CAPN8: variants seen among roughly 807,000 people sequenced by gnomAD.
CAPN8 encodes calpain-8.
CAPN8 carries 87 observed loss-of-function variants against 80.9 expected under a neutral mutation model. The ratio of observed to expected loss-of-function variants is 1.07; its 90% confidence interval spans 0.90 to 1.28. The LOEUF (loss-of-function observed/expected upper bound fraction) is 1.28, where lower values mean the gene tolerates loss of function less well. CAPN8 is among the 50% of genes most tolerant of loss of function. CAPN8 has a pLI of 0.00. For synonymous variants in CAPN8, 299 were observed against 273.8 expected (o/e 1.09, Z -0.91); for missense variants, 757 against 702.0 (o/e 1.08, Z -0.89).
Position 223,619,547 on chromosome 1 carries a change from G to A in CAPN8, c.975-94C>T, listed in dbSNP as rs967897479. On this transcript the variant is annotated intron_variant, in intron 8 of 20. Transcript: ENST00000366872. ...GCACGGGAAGGAGCCCTGTGGCACA[G>A]GCCCTAGAGGCCGTGGGCTAGCTTG... 1.7e-5 allele frequency: 22 copies of A among 1,315,434 alleles called. No individual in the cohort carries two copies. The African/African-American group carries it at 2.2e-4, about 13-fold the overall frequency. The allele number at this position is 1,315,434 out of a possible 1,614,324, so 81.5% of individuals were successfully genotyped here. A position where few individuals can be genotyped will look rare whatever the true frequency, so the allele number is the denominator to read the frequency against.
At chr1:223,617,459 T>A (rs909205192) in intron 9 of CAPN8, 1 of 152,208 alleles carries the variant, frequency 6.6e-6, no homozygotes, top group African/African-American at 2.4e-5. Flanking sequence ...GGGCAGGAAC[T>A]ATCCATGTCT....
At chr1:223,625,976 C>A in intron 5 of CAPN8, 88 bp from the exon 6 acceptor site, 1 of 1,010,334 alleles carries the variant, frequency 9.9e-7, no homozygotes, top group South Asian at 1.4e-5. Context: ...CACTACACAG[C>A]CACTGGGGGC....
At position 223,665,613 on chromosome 1, in the gene CAPN8, G is replaced by A. The variant is rs552380691; in HGVS notation, c.34C>T (p.Arg12Trp). 129 of 1,551,574 alleles carry A rather than the reference G, an allele frequency of 8.3e-5. No homozygotes were observed. In the South Asian group the frequency reaches 1.2e-3, roughly 14 times the overall value. ...GAGCCAAGACCTTGAGTGGCTGCCC[G>A]CTGCCTAGATACACCAGCTGCCTGG... is the stretch of plus-strand genomic sequence containing the variant. Reference protein sequence around the residue: ...AAQAAGVSRQRAATQGLGSNQ... With the variant: ...AAQAAGVSRQWAATQGLGSNQ... The change falls in exon 1 of 21, where the codon CGG becomes TGG. Residue 12 changes from arginine (R) to tryptophan (W), a missense_variant. By Grantham distance (101) the Arg-to-Trp change is moderately radical (BLOSUM62 -3). Transcript: ENST00000366872.
chr1:223,616,062 A>G lies in CAPN8; in HGVS notation c.1219T>C (p.Cys407Arg), dbSNP rs1258207265. Residue 407 changes from cysteine (C) to arginine (R), a missense_variant, in exon 10 of 21, where the codon TGT becomes CGT. Transcript: ENST00000366872. The stretch of plus-strand genomic sequence containing the variant: ...TGCATCAGGCCCAGCAGCACTGTAC[A>G]GCAGGGTTCACCGATGCTCTCCTCC... ...DQEESIGEPC[C>R]TVLLGLMQKN... The G allele has an allele frequency of 1.9e-6, 3 of 1,552,276 alleles. No homozygotes were observed. The highest frequency in any genetic ancestry group is 1.7e-4 in the Middle Eastern group (1 of 5,998).
intron 11 of CAPN8, 120 bp downstream of exon 11, chr1:223,612,126 T>C: frequency 1.2e-6 from 1 of 826,238 alleles, no homozygotes; most frequent in African/African-American, 1.8e-5. Flanking sequence ...GACTGGATCA[T>C]GTGAGAGCTG....
chr1:223,627,594 T>G lies in CAPN8; in HGVS notation c.560+415A>C, dbSNP rs1657627307. Among the ~76,000 whole-genome samples the G allele has an allele frequency of 2.6e-5, 4 of 152,362 alleles. No homozygotes were observed. In the South Asian group the frequency reaches 8.3e-4, roughly 32 times the overall value. On this transcript the variant is annotated intron_variant, in intron 4 of 20. Transcript: ENST00000366872. ...AATTAAAAGAACCCCAAAGAAGGTT[T>G]TGAACATCAAACGCTGGTGAGAAGA...
At chr1:223,634,576 AAAC>A (rs1303231325) in intron 2 of CAPN8, among the ~76,000 whole-genome samples, 3 of 152,188 alleles carry the variant, frequency 2.0e-5, no homozygotes, top group Admixed American at 6.5e-5. Flanking sequence ...GATGCCTTAG[AAAC>A]AACAACACAA....
chr1:223,656,676 G>GTTTTTTTTTT (rs201821198), intron 1 of CAPN8, among the ~76,000 whole-genome samples: 80 of 88,354 alleles, frequency 9.1e-4, no homozygotes, highest in African/African-American at 1.2e-3. Context: ...GGGTTTTTTT[G>GTTTTTTTTTT]TTTTGTTTTT....
chr1:223,649,378 C>T (rs1658278100), intron 2 of CAPN8, among the ~76,000 whole-genome samples: 3 of 152,218 alleles, frequency 2.0e-5, no homozygotes, highest in African/African-American at 7.2e-5. Flanking sequence ...CTCTGAGAGT[C>T]CTGCTGGGGT....
intron 1 of CAPN8, among the ~76,000 whole-genome samples, chr1:223,660,161 T>G (rs1458364213): frequency 1.3e-5 from 2 of 152,206 alleles, no homozygotes; most frequent in Non-Finnish European, 2.9e-5. Context: ...AGGTCCTTAT[T>G]ATGCAGCTGA....
rs182290184 is a variant in CAPN8 at position 223,545,241 on chromosome 1, T to C, written c.1823A>G (p.Gln608Arg). 1.1e-3 allele frequency: 1,740 copies of C among 1,551,702 alleles called. 39 individuals are homozygous for C. The Admixed American group carries it at 0.032, about 28-fold the overall frequency. The change falls in exon 17 of 21, where the codon CAG (glutamine) becomes CGG (arginine). Residue 608 changes from glutamine (Q) to arginine (R), a missense_variant. Gln to Arg is a conservative substitution (Grantham distance 43). Coordinates refer to ENST00000366872, the MANE Select transcript of CAPN8 (RefSeq NM_001143962.2). The part of the protein sequence containing the change: ...VEFKTLWLKI[Q>R]KYLEIYWETD... The stretch of plus-strand genomic sequence containing the variant: ...GGAAAAGAGAGTTACCAGATACTTC[T>C]GAATCTTCAGCCAGAGCGTCTTGAA...
At position 223,625,889 on chromosome 1, in the gene CAPN8, C is replaced by T. The variant is rs1234861680; in HGVS notation, c.730-1G>A. The T allele has an allele frequency of 5.2e-6, 8 of 1,550,618 alleles. No individual in the cohort carries two copies. The highest frequency in any genetic ancestry group is 6.1e-6 in the Non-Finnish European group (7 of 1,146,132). On this transcript the variant is annotated splice_acceptor_variant, in intron 5 of 20. Coordinates refer to ENST00000366872, the MANE Select transcript of CAPN8 (RefSeq NM_001143962.2). LOFTEE classifies it high-confidence loss of function. ...CTTCGGCTTCGGCTGCACTGGAGACCTGCGTAGAGAAGAAAGTCCACTCAG... is the reference window on the plus strand; with the variant it reads ...CTTCGGCTTCGGCTGCACTGGAGACTTGCGTAGAGAAGAAAGTCCACTCAG...
At chr1:223,664,739 A>T (rs1056538727) in intron 1 of CAPN8, among the ~76,000 whole-genome samples, 21 of 152,184 alleles carry the variant, frequency 1.4e-4, no homozygotes, top group African/African-American at 5.1e-4. Context: ...GGAGTCCAAG[A>T]CCACCCTGGG....
intron 4 of CAPN8, 49 bp from the exon 5 acceptor site, chr1:223,627,206 G>T: frequency 6.5e-7 from 1 of 1,539,866 alleles, no homozygotes; most frequent in South Asian, 1.2e-5. Context: ...TCAGCAAGGA[G>T]ACCCGGGGAT....
chr1:223,613,688 G>A lies in CAPN8; in HGVS notation c.1312-1431C>T, dbSNP rs146978956. Reference sequence around the variant, plus strand: ...GCAGGAAGATAGAGGGGAGAGAGAGGAGGCCAGACAAGGAGGGCTCTTTAG... The same window carrying A: ...GCAGGAAGATAGAGGGGAGAGAGAGAAGGCCAGACAAGGAGGGCTCTTTAG... On this transcript the variant is annotated intron_variant, in intron 10 of 20. Transcript: ENST00000366872. 2.3e-3 allele frequency among the ~76,000 whole-genome samples: 353 copies of A among 152,352 alleles called. 2 individuals are homozygous for A. Among genetic ancestry groups the A allele is most frequent in the Non-Finnish European group, 4.2e-3 (289 of 68,032 alleles).
intron 16 of CAPN8, 120 bp downstream of exon 16, chr1:223,549,198 C>T (rs1469309943): frequency 1.6e-5 from 20 of 1,288,304 alleles, no homozygotes; most frequent in Non-Finnish European, 1.7e-5. Flanking sequence ...ATGCTCCATG[C>T]CTGCTCTCTC....
chr1:223,550,820 T>C, intron 15 of CAPN8, 140 bp downstream of exon 15: 1 of 567,288 alleles, frequency 1.8e-6, no homozygotes. Context: ...CTTGCTGGAC[T>C]GAATCAGGGC....
Position 223,610,114 on chromosome 1 carries a change from C to T in CAPN8, c.1324-750G>A, listed in dbSNP as rs1262263117. Among the ~76,000 whole-genome samples the T allele has an allele frequency of 2.0e-5, 3 of 152,220 alleles. No homozygotes were observed. The East Asian group carries it at 5.8e-4, about 29-fold the overall frequency. On this transcript the variant is annotated intron_variant, in intron 11 of 20. Coordinates refer to ENST00000366872, the MANE Select transcript of CAPN8 (RefSeq NM_001143962.2). ...TTATTATTGCTGTAATTAAGCCTCC[C>T]CATAACACTGTGTCTTTACCATCAA...
chr1:223,652,363 T>A (rs1658365466), intron 2 of CAPN8, among the ~76,000 whole-genome samples: 1 of 152,042 alleles, frequency 6.6e-6, no homozygotes, highest in South Asian at 2.1e-4. Flanking sequence ...TATATAAACA[T>A]CTTTTTTAGA....
Sources: gnomAD v4.1 joint callset for allele counts (sites outside exome capture counted in the v4.1 genomes callset) on GRCh38, gnomAD v4.1.1 for gene constraint, MANE v1.5 for transcripts, NCBI Gene and HGNC (gene_info 2026-07-23, HGNC 2026-07-21) for gene names.